NRG4: variants seen among roughly 807,000 people sequenced by gnomAD.
NRG4 encodes neuregulin 4.
A neutral mutation model predicts 15.0 loss-of-function variants in NRG4; 10 were observed. The observed-to-expected ratio is 0.67, with a 90% CI of 0.41 to 1.13. The LOEUF (loss-of-function observed/expected upper bound fraction) is 1.13, where lower values mean the gene tolerates loss of function less well. Among genes scored for constraint, NRG4 ranks in the 50% most tolerant of loss-of-function variants. NRG4 has a pLI of 0.00. For missense variants in NRG4, 139 were observed against 140.2 expected (o/e 0.99, Z 0.04); for synonymous variants, 41 against 50.1 (o/e 0.82, Z 0.77).
At chr15:75,963,246 CA>C (rs1254329007) in intron 3 of NRG4, among the ~76,000 whole-genome samples, 1 of 152,072 alleles carries the variant, frequency 6.6e-6, no homozygotes, top group African/African-American at 2.4e-5. Context: ...ATCAGTTAAG[CA>C]AAGCGGCAGT....
chr15:75,969,227 G>A (rs2032978060), intron 3 of NRG4: 1 of 456,186 alleles, frequency 2.2e-6, no homozygotes, highest in Non-Finnish European at 4.4e-6. Context: ...TTCACTTCCT[G>A]ACAAAAGAAG....
upstream of NRG4, among the ~76,000 whole-genome samples, chr15:76,012,953 A>G (rs2034861704): frequency 6.6e-6 from 1 of 152,196 alleles, no homozygotes; most frequent in Non-Finnish European, 1.5e-5. Flanking sequence ...TGCTATGGCA[A>G]AGTTGTTAAA....
At chr15:76,022,682 G>A (rs562259292) in intron 5 of NRG4, among the ~76,000 whole-genome samples, 103 of 152,284 alleles carry the variant, frequency 6.8e-4, no homozygotes, top group African/African-American at 2.4e-3. Flanking sequence ...GGATGGTGGG[G>A]AAAAGAATGG....
intron 5 of NRG4, among the ~76,000 whole-genome samples, chr15:76,029,299 C>T (rs2035406455): frequency 6.6e-6 from 1 of 152,004 alleles, no homozygotes; most frequent in Non-Finnish European, 1.5e-5. Context: ...AAGGAAAATA[C>T]CTTAACAAAA....
chr15:75,967,401 T>A (rs1291899255), intron 3 of NRG4, among the ~76,000 whole-genome samples: 1 of 151,958 alleles, frequency 6.6e-6, no homozygotes, highest in African/African-American at 2.4e-5. Flanking sequence ...CTGATCATTA[T>A]TAGTACATCA....
At chr15:76,002,881 A>T (rs182781373) in intron 3 of NRG4, among the ~76,000 whole-genome samples, 10 of 152,310 alleles carry the variant, frequency 6.6e-5, no homozygotes, top group African/African-American at 2.4e-4. Context: ...TCCTACTTGA[A>T]GATGTTAATA....
At chr15:75,943,735 T>C (rs545272616) in intron 5 of NRG4, 81 bp from the exon 6 acceptor site, 31 of 887,660 alleles carry the variant, frequency 3.5e-5, no homozygotes, top group African/African-American at 3.4e-5. Context: ...ATGTCTCTTA[T>C]CTTCTTCACA....
intron 5 of NRG4, among the ~76,000 whole-genome samples, chr15:76,030,945 C>T (rs1314194350): frequency 2.6e-5 from 4 of 152,068 alleles, no homozygotes; most frequent in Non-Finnish European, 5.9e-5. Context: ...AAGAAAATTA[C>T]TATTAATCCT....
intron 3 of NRG4, among the ~76,000 whole-genome samples, chr15:75,970,425 AATG>A: frequency 6.6e-6 from 1 of 152,336 alleles, no homozygotes; most frequent in South Asian, 2.1e-4. Flanking sequence ...TCACCTGACA[AATG>A]ATAATTCCAC....
At chr15:76,015,474 G>A (rs938517953), upstream of NRG4, among the ~76,000 whole-genome samples, 4 of 152,160 alleles carry the variant, frequency 2.6e-5, no homozygotes, top group African/African-American at 9.7e-5. Context: ...TATTGGCTGT[G>A]GGTTTGTCAT....
intron 4 of NRG4, among the ~76,000 whole-genome samples, chr15:76,047,973 T>C (rs986768139): frequency 2.0e-5 from 3 of 147,856 alleles, no homozygotes; most frequent in Non-Finnish European, 4.5e-5. Context: ...CTGGGCAACA[T>C]AGTGAGACCA....
chr15:76,041,536 T>G (rs1267251464), intron 4 of NRG4, among the ~76,000 whole-genome samples: 1 of 152,152 alleles, frequency 6.6e-6, no homozygotes, highest in East Asian at 1.9e-4. Flanking sequence ...GTGCTATACT[T>G]ATATCAGACA....
chr15:76,030,181 C>T (rs951590569), intron 5 of NRG4, among the ~76,000 whole-genome samples: 6 of 152,078 alleles, frequency 3.9e-5, no homozygotes, highest in Non-Finnish European at 8.8e-5. Flanking sequence ...ATTGCTTGAA[C>T]CCAGGAGGCG....
chr15:75,972,127 G>T (rs979572018), intron 3 of NRG4, among the ~76,000 whole-genome samples: 6 of 152,174 alleles, frequency 3.9e-5, no homozygotes, highest in African/African-American at 1.4e-4. Flanking sequence ...CAGTGATGAT[G>T]AGCCTTTTTT....
At chr15:76,001,865 C>T (rs531201462) in intron 3 of NRG4, among the ~76,000 whole-genome samples, 116 of 152,234 alleles carry the variant, frequency 7.6e-4, no homozygotes, top group African/African-American at 2.7e-3. Flanking sequence ...CTACAACAAA[C>T]ACATAACAAG....
At chr15:76,059,162 CTTT>C (rs34387186) in intron 1 of NRG4, among the ~76,000 whole-genome samples, 1 of 152,102 alleles carries the variant, frequency 6.6e-6, no homozygotes, top group Non-Finnish European at 1.5e-5. Context: ...TGTAAAAAGC[CTTT>C]TTAAGAGTCA....
intron 4 of NRG4, 72 bp downstream of exon 4, chr15:75,961,756 C>T: frequency 9.7e-7 from 1 of 1,026,756 alleles, no homozygotes; most frequent in Non-Finnish European, 1.5e-6. Context: ...GAACTAAGGG[C>T]ATATTAATTA....
At chr15:75,951,791 A>G (rs890877154) in intron 5 of NRG4, among the ~76,000 whole-genome samples, 2 of 152,134 alleles carry the variant, frequency 1.3e-5, no homozygotes, top group African/African-American at 4.8e-5. Context: ...TAAGTCCCAT[A>G]TTATGTTGTT....
At chr15:76,025,956 A>C (rs1251182132) in intron 5 of NRG4, among the ~76,000 whole-genome samples, 1 of 152,128 alleles carries the variant, frequency 6.6e-6, no homozygotes, top group East Asian at 1.9e-4. Context: ...CTGAATGTGA[A>C]GACAGGTCTT....
Sources: gnomAD v4.1 joint callset for allele counts (sites outside exome capture counted in the v4.1 genomes callset) on GRCh38, gnomAD v4.1.1 for gene constraint, MANE v1.5 for transcripts, NCBI Gene and HGNC (gene_info 2026-07-23, HGNC 2026-07-21) for gene names.